Variants in PI4KA observed in about 807,000 individuals in gnomAD.
PI4KA encodes PI4-kinase alpha.
Under a neutral mutation model 271.4 loss-of-function variants are expected in PI4KA, and 122 were observed. That is an observed-to-expected ratio of 0.45 (90% CI 0.39 to 0.52). The LOEUF is 0.52. Among genes scored for constraint, PI4KA ranks in the 20% least tolerant of loss-of-function variants. The pLI, the probability that PI4KA is intolerant of heterozygous loss-of-function variation, is 0.00. For missense variants in PI4KA, 1,969 were observed against 2,769.1 expected, an observed-to-expected ratio of 0.71 and a Z score of 6.48; for synonymous variants, 1,041 against 1,078.8, an observed-to-expected ratio of 0.96 and a Z score of 0.69.
At chr22:20,761,992 C>G (rs926411703) in intron 22 of PI4KA, among the ~76,000 whole-genome samples, 2 of 152,120 alleles carry the variant, frequency 1.3e-5, no homozygotes, top group East Asian at 3.8e-4. Flanking sequence ...AAAAGTGATA[C>G]CTGTATTTTT....
chr22:20,724,236 C>T (rs963970019), intron 42 of PI4KA, among the ~76,000 whole-genome samples: 1 of 150,848 alleles, frequency 6.6e-6, no homozygotes, highest in Admixed American at 6.6e-5. Context: ...ACCTGGGAGG[C>T]AGAGGTTGTA....
chr22:20,831,676 TA>T (rs1206857205), intron 3 of PI4KA, among the ~76,000 whole-genome samples: 1 of 152,238 alleles, frequency 6.6e-6, no homozygotes, highest in Non-Finnish European at 1.5e-5. Context: ...GAGTTTCTGC[TA>T]AAAGGTCTGC....
At chr22:20,733,520 T>A (rs886303122) in intron 35 of PI4KA, among the ~76,000 whole-genome samples, 5 of 149,654 alleles carry the variant, frequency 3.3e-5, no homozygotes, top group African/African-American at 1.2e-4. Context: ...TTTGCCTACA[T>A]CTCGCTGGGA....
chr22:20,841,058 A>C (rs1427859862), intron 1 of PI4KA, among the ~76,000 whole-genome samples: 2 of 152,192 alleles, frequency 1.3e-5, no homozygotes, highest in Non-Finnish European at 2.9e-5. Flanking sequence ...GCTGCAGTAA[A>C]GAAGCCAGCT....
intron 43 of PI4KA, among the ~76,000 whole-genome samples, chr22:20,720,838 G>A (rs1926651762): frequency 6.6e-6 from 1 of 152,160 alleles, no homozygotes; most frequent in Non-Finnish European, 1.5e-5. Flanking sequence ...TACATTTTCT[G>A]AAATTCTGTC....
intron 19 of PI4KA, among the ~76,000 whole-genome samples, chr22:20,780,945 C>T (rs1055679108): frequency 6.6e-6 from 1 of 152,088 alleles, no homozygotes; most frequent in Non-Finnish European, 1.5e-5. Context: ...TTTCTCTTTT[C>T]CTTTCCCAAT....
At chr22:20,826,258 G>T (rs183548210) in intron 3 of PI4KA, among the ~76,000 whole-genome samples, 1 of 152,154 alleles carries the variant, frequency 6.6e-6, no homozygotes, top group African/African-American at 2.4e-5. Context: ...CAGGAGAATC[G>T]CTCGAACCTG....
intron 36 of PI4KA, among the ~76,000 whole-genome samples, chr22:20,730,905 A>T (rs1927958878): frequency 6.6e-6 from 1 of 151,660 alleles, no homozygotes; most frequent in Non-Finnish European, 1.5e-5. Flanking sequence ...GGCTGAGCAC[A>T]GTGGCTCATG....
intron 2 of PI4KA, among the ~76,000 whole-genome samples, chr22:20,835,890 T>C (rs1042247370): frequency 2.6e-5 from 4 of 150,948 alleles, no homozygotes; most frequent in Admixed American, 2.6e-4. Context: ...CTACTAAAAA[T>C]ACAAAAAATT....
intron 19 of PI4KA, chr22:20,780,064 C>G (rs1253040035): frequency 6.2e-7 from 1 of 1,614,174 alleles, no homozygotes; most frequent in Non-Finnish European, 8.5e-7. Context: ...GCCCAGATAG[C>G]TGACTTCTCA....
chr22:20,802,084 A>AT lies in PI4KA; in HGVS notation c.1612dup (p.Ile538AsnfsTer6), dbSNP rs1434190582. On this transcript the variant is annotated frameshift_variant, in exon 14 of 55. Transcript: ENST00000255882. LOFTEE classifies it high-confidence loss of function. ...CTCGGAATGCTCATTGGTCACACTG[A>AT]TTTTTATATCATTGCCAGCAACTGA... The AT allele has an allele frequency of 1.9e-6, 3 of 1,614,040 alleles. No individual in the cohort carries two copies. Among genetic ancestry groups the AT allele is most frequent in the Non-Finnish European group, 2.5e-6 (3 of 1,179,972 alleles).
At chr22:20,732,779 C>G (rs1298454587) in intron 36 of PI4KA, among the ~76,000 whole-genome samples, 192 bp downstream of exon 36, 3 of 152,180 alleles carry the variant, frequency 2.0e-5, no homozygotes, top group Non-Finnish European at 4.4e-5. Flanking sequence ...GTTTATGCTT[C>G]TCAGCTCAGG....
intron 1 of PI4KA, among the ~76,000 whole-genome samples, chr22:20,839,161 G>A (rs1925249523): frequency 6.6e-6 from 1 of 152,202 alleles, no homozygotes; most frequent in Non-Finnish European, 1.5e-5. Flanking sequence ...AGGTTGTAGT[G>A]AGCCAAGATC....
At chr22:20,783,435 TAAA>T (rs362069) in intron 19 of PI4KA, among the ~76,000 whole-genome samples, 212 of 136,048 alleles carry the variant, frequency 1.6e-3, no homozygotes, top group African/African-American at 2.2e-3. Flanking sequence ...CATCTACAAT[TAAA>T]AAAAAAAAAA....
At chr22:20,784,379 C>A in intron 19 of PI4KA, 1 of 1,209,046 alleles carries the variant, frequency 8.3e-7, no homozygotes, top group Non-Finnish European at 1.2e-6. Flanking sequence ...CAGGGCCACT[C>A]TGTTAATTCA....
At chr22:20,839,868 G>C (rs1454132754) in intron 1 of PI4KA, among the ~76,000 whole-genome samples, 1 of 152,106 alleles carries the variant, frequency 6.6e-6, no homozygotes, top group East Asian at 1.9e-4. Context: ...AGTTGGGACT[G>C]AGCACAGCAT....
chr22:20,796,901 GAAACCTGAA>G (rs1197593084), intron 17 of PI4KA, among the ~76,000 whole-genome samples: 4 of 152,210 alleles, frequency 2.6e-5, no homozygotes, highest in Non-Finnish European at 5.9e-5. Flanking sequence ...CCTTTGGCCA[GAAACCTGAA>G]ACCACTGAGG....
chr22:20,782,802 T>C (rs1254806925), intron 19 of PI4KA, among the ~76,000 whole-genome samples: 1 of 152,160 alleles, frequency 6.6e-6, no homozygotes, highest in Non-Finnish European at 1.5e-5. Context: ...CAAACTATTA[T>C]GTGGCCCAAA....
intron 1 of PI4KA, among the ~76,000 whole-genome samples, chr22:20,857,271 T>G (rs541715475): frequency 3.7e-4 from 56 of 152,358 alleles, no homozygotes; most frequent in African/African-American, 1.3e-3. Context: ...TCCAAACTCA[T>G]GTCCTTTCCA....
Sources: allele counts gnomAD v4.1 joint callset (sites outside exome capture counted in the v4.1 genomes callset), GRCh38; gene constraint gnomAD v4.1.1; transcripts MANE v1.5; gene names NCBI Gene and HGNC (gene_info 2026-07-23, HGNC 2026-07-21).